PTGIS: variants seen among roughly 807,000 people sequenced by gnomAD.
PTGIS encodes prostaglandin I2 synthase, also known as prostacyclin synthase.
In PTGIS, 45 loss-of-function variants were observed where a neutral mutation model predicts 50.3. The observed-to-expected ratio is 0.90, with a 90% confidence interval of 0.70 to 1.15. The LOEUF (loss-of-function observed/expected upper bound fraction) is 1.15, where lower values mean the gene tolerates loss of function less well. Ranked by LOEUF, PTGIS falls within the 50% of genes most tolerant of loss-of-function variation. PTGIS has a pLI of 0.00. For synonymous variants in PTGIS, 260 were observed against 267.7 expected (o/e 0.97, Z 0.28); for missense variants, 668 against 661.3 (o/e 1.01, Z -0.11).
chr20:49,520,484 C>T (rs951770504), intron 6 of PTGIS, among the ~76,000 whole-genome samples: 2 of 151,946 alleles, frequency 1.3e-5, no homozygotes, highest in Admixed American at 6.6e-5. Context: ...CGGGCCTGTG[C>T]GACCATGCCT....
chr20:49,505,611 G>A lies in PTGIS; in HGVS notation c.*2309C>T, dbSNP rs1870926117. 1 of 152,686 alleles carries A rather than the reference G, an allele frequency of 6.5e-6. No individual in the cohort carries two copies. Among genetic ancestry groups the A allele is most frequent in the South Asian group, 2.1e-4 (1 of 4,832 alleles). 9.5% of individuals were successfully genotyped at this position (152,686 alleles called of 1,614,324 possible). ...TTTCGCCCAGCACACCAGGGTTGCA[G>A]CCTGCGCAAGACCTTCCATAGCTAT... On this transcript the variant is annotated 3_prime_UTR_variant, in exon 10 of 10. Transcript: ENST00000244043.
At chr20:49,532,836 A>G (rs1981967756) in intron 5 of PTGIS, among the ~76,000 whole-genome samples, 1 of 152,224 alleles carries the variant, frequency 6.6e-6, no homozygotes, top group Non-Finnish European at 1.5e-5. Context: ...AATGAGGGCC[A>G]TCTAGCTCAT....
chr20:49,522,435 C>G (rs1196460041), intron 6 of PTGIS, among the ~76,000 whole-genome samples: 1 of 151,990 alleles, frequency 6.6e-6, no homozygotes, highest in Non-Finnish European at 1.5e-5. Context: ...CCCCTGTCCT[C>G]CTGACCCCCC....
chr20:49,538,939 C>T (rs1468886240), intron 5 of PTGIS, among the ~76,000 whole-genome samples: 1 of 152,128 alleles, frequency 6.6e-6, no homozygotes, highest in Non-Finnish European at 1.5e-5. Flanking sequence ...ACCTCAGCCT[C>T]CCAAAGTGCT....
chr20:49,524,464 T>C (rs1981742434), intron 5 of PTGIS, among the ~76,000 whole-genome samples: 1 of 152,076 alleles, frequency 6.6e-6, no homozygotes, highest in Non-Finnish European at 1.5e-5. Context: ...AAGCAAGGGG[T>C]CTTGTCTCCT....
intron 5 of PTGIS, among the ~76,000 whole-genome samples, chr20:49,532,971 C>T (rs6095570): frequency 0.044 from 6,765 of 152,180 alleles, 452 homozygotes; most frequent in African/African-American, 0.14. Context: ...GTGTGATAAC[C>T]GGATGCCATG....
intron 6 of PTGIS, among the ~76,000 whole-genome samples, chr20:49,522,371 A>G (rs1014338540): frequency 6.6e-6 from 1 of 151,554 alleles, no homozygotes; most frequent in Admixed American, 6.6e-5. Context: ...CCTGTTTCAT[A>G]CTCTACATAT....
chr20:49,525,936 T>C (rs75604914), intron 5 of PTGIS, among the ~76,000 whole-genome samples: 2,933 of 152,300 alleles, frequency 0.019, 98 homozygotes, highest in African/African-American at 0.061. Flanking sequence ...GGCTTCATTT[T>C]CAAATAATAC....
At chr20:49,519,792 C>T (rs1981599201) in intron 6 of PTGIS, among the ~76,000 whole-genome samples, 1 of 152,102 alleles carries the variant, frequency 6.6e-6, no homozygotes, top group South Asian at 2.1e-4. Context: ...TCACTCAGGC[C>T]CAAACCTGGA....
intron 5 of PTGIS, among the ~76,000 whole-genome samples, chr20:49,524,829 T>A (rs1981755124): frequency 1.3e-5 from 2 of 152,212 alleles, no homozygotes; most frequent in South Asian, 4.1e-4. Context: ...ACCACCCCCA[T>A]GATTCAGTTA....
In PTGIS at chr20:49,539,832, G is replaced by A. The variant is rs544763856; in HGVS notation, c.522-111C>T. On this transcript the variant is annotated intron_variant, in intron 4 of 9. Coordinates refer to ENST00000244043, the MANE Select transcript of PTGIS (RefSeq NM_000961.4). ...CCAGTGAGCAACTACTAATCCTACT[G>A]TGCGCCAAAGACCATTCTGGGCACT... The A allele has an allele frequency of 1.3e-5, 18 of 1,406,914 alleles. No individual in the cohort carries two copies. The South Asian group carries it at 2.2e-4, about 17-fold the overall frequency. 87.2% of individuals were successfully genotyped at this position (1,406,914 alleles called of 1,614,324 possible). A position where few individuals can be genotyped will look rare whatever the true frequency, so the allele number is the denominator to read the frequency against.
In PTGIS at chr20:49,504,454, G is replaced by A. The variant is rs1228208100; in HGVS notation, c.*3466C>T. The A allele has an allele frequency of 2.6e-5, 4 of 152,174 alleles. No individual in the cohort carries two copies. Among genetic ancestry groups the A allele is most frequent in the Admixed American group, 2.6e-4 (4 of 15,272 alleles). 9.4% of individuals were successfully genotyped at this position (152,174 alleles called of 1,614,324 possible). A position where few individuals can be genotyped will look rare whatever the true frequency, so the allele number is the denominator to read the frequency against. ...CTCATGCCTGTAATCCTAGCACTTT[G>A]GGAGGCCCAGGCAGGCAAATCACGA... On this transcript the variant is annotated 3_prime_UTR_variant, in exon 10 of 10. Coordinates refer to ENST00000244043, the MANE Select transcript of PTGIS (RefSeq NM_000961.4).
At chr20:49,559,902 T>C (rs558309003) in intron 1 of PTGIS, among the ~76,000 whole-genome samples, 1 of 151,256 alleles carries the variant, frequency 6.6e-6, no homozygotes, top group Non-Finnish European at 1.5e-5. Flanking sequence ...CCGGTGGATA[T>C]ACTAGAAACT....
chr20:49,507,927 C>T lies in PTGIS; in HGVS notation c.1496G>A (p.Arg499His), dbSNP rs776269150. The T allele has an allele frequency of 1.9e-5, 31 of 1,612,034 alleles. No homozygotes were observed. Among genetic ancestry groups the T allele is most frequent in the South Asian group, 3.3e-5 (3 of 91,086 alleles). Reference protein sequence around the residue: ...EHDVPVRYRIRP With the variant: ...EHDVPVRYRIHP The stretch of plus-strand genomic sequence containing the variant: ...ATCCATCTGCTCCCTGTGTCATGGG[C>T]GGATGCGGTAGCGGACGGGCACGTC... The change falls in exon 10 of 10, where the codon CGC becomes CAC. Residue 499 changes from arginine (R) to histidine (H), a missense_variant. By Grantham distance (29) the Arg-to-His change is conservative. Transcript: ENST00000244043.
chr20:49,520,858 TTG>T (rs1981635499), intron 6 of PTGIS, among the ~76,000 whole-genome samples: 1 of 152,132 alleles, frequency 6.6e-6, no homozygotes, highest in Non-Finnish European at 1.5e-5. Flanking sequence ...AAGGTAGTTT[TTG>T]CAGAGATGGG....
intron 5 of PTGIS, among the ~76,000 whole-genome samples, chr20:49,526,564 G>T (rs1981798133): frequency 6.6e-6 from 1 of 152,098 alleles, no homozygotes; most frequent in Non-Finnish European, 1.5e-5. Context: ...GAAAATATTT[G>T]TAAATAATAT....
chr20:49,566,357 T>A (rs183816728), intron 1 of PTGIS, among the ~76,000 whole-genome samples: 6 of 152,336 alleles, frequency 3.9e-5, no homozygotes. Flanking sequence ...AAAGAACAGA[T>A]GTCAAAACTA....
rs1234409631 is a variant in PTGIS, at chr20:49,505,056, G to A, written c.*2864C>T. 2 of 147,416 alleles carry A rather than the reference G, an allele frequency of 1.4e-5. No individual in the cohort carries two copies. The highest frequency in any genetic ancestry group is 2.6e-5 in the African/African-American group (1 of 38,916). The allele number at this position is 147,416 out of a possible 1,614,324, so 9.1% of individuals were successfully genotyped here. On this transcript the variant is annotated 3_prime_UTR_variant, in exon 10 of 10. Transcript: ENST00000244043. ...GAGAATGGTGTGAACACGGGAGGCA[G>A]AGCTTGCAGTGAGCCGAGATCACGC...
intron 1 of PTGIS, among the ~76,000 whole-genome samples, chr20:49,554,040 T>C (rs976173857): frequency 2.6e-5 from 4 of 152,204 alleles, no homozygotes; most frequent in African/African-American, 9.6e-5. Context: ...ACTAAAGAAT[T>C]GGTTAGAACA....
Sources: gnomAD v4.1 joint callset for allele counts (sites outside exome capture counted in the v4.1 genomes callset) on GRCh38, gnomAD v4.1.1 for gene constraint, MANE v1.5 for transcripts, NCBI Gene and HGNC (gene_info 2026-07-23, HGNC 2026-07-21) for gene names.